The following NRXN3 variants were observed in gnomAD, a reference collection of about 807,000 sequenced individuals.
The protein encoded by NRXN3 is neurexin III.
A neutral mutation model predicts 137.6 loss-of-function variants in NRXN3; 32 were observed. The observed-to-expected ratio is 0.23, with a 90% CI of 0.18 to 0.31. The LOEUF (loss-of-function observed/expected upper bound fraction) is 0.31. Among genes scored for constraint, NRXN3 ranks in the 10% least tolerant of loss-of-function variants. The probability of loss-of-function intolerance (pLI) is 1.00; values close to 1 mark genes in which losing one functional copy is unlikely to be tolerated. For synonymous variants in NRXN3, 798 were observed against 784.5 expected (o/e 1.02, Z -0.29); for missense variants, 1,574 against 2,062.5 (o/e 0.76, Z 4.59).
At chr14:79,526,767 G>A (rs1373827614) in intron 16 of NRXN3, among the ~76,000 whole-genome samples, 1 of 152,140 alleles carries the variant, frequency 6.6e-6, no homozygotes, top group Non-Finnish European at 1.5e-5. Context: ...TAGAAACGCT[G>A]GGAAAGAAAC....
intron 1 of NRXN3, among the ~76,000 whole-genome samples, chr14:78,233,216 C>T (rs2065694630): frequency 1.3e-5 from 2 of 152,078 alleles, no homozygotes; most frequent in Non-Finnish European, 2.9e-5. Flanking sequence ...ATTGTTCTTC[C>T]CAATTTATAG....
chr14:78,484,019 CACACACACAGAGAGAG>C (rs1314681933), intron 4 of NRXN3, among the ~76,000 whole-genome samples: 2 of 93,136 alleles, frequency 2.1e-5, no homozygotes, highest in East Asian at 6.1e-4. Flanking sequence ...CACACACACA[CACACACACAGAGAGAG>C]AGAGAGAGAG....
At chr14:78,263,060 A>G (rs1487506568) in intron 2 of NRXN3, among the ~76,000 whole-genome samples, 2 of 123,756 alleles carry the variant, frequency 1.6e-5, no homozygotes, top group African/African-American at 3.1e-5. Context: ...CTTTTTTTTT[A>G]GTTTATGGGA....
intron 4 of NRXN3, among the ~76,000 whole-genome samples, chr14:78,470,665 T>A (rs138250365): frequency 2.6e-5 from 4 of 152,160 alleles, no homozygotes; most frequent in Non-Finnish European, 5.9e-5. Context: ...ATACAATAGA[T>A]AAATAGTAAG....
At chr14:78,841,764 A>G (rs757381413) in intron 10 of NRXN3, among the ~76,000 whole-genome samples, 5 of 152,118 alleles carry the variant, frequency 3.3e-5, no homozygotes, top group Non-Finnish European at 5.9e-5. Flanking sequence ...TGGTGGATTC[A>G]GAATTCTAGT....
intron 20 of NRXN3, among the ~76,000 whole-genome samples, chr14:79,808,713 C>A (rs535486449): frequency 1.1e-4 from 17 of 152,250 alleles, no homozygotes; most frequent in Non-Finnish European, 2.1e-4. Context: ...ATTTGAAGCT[C>A]TCACTTTTCA....
intron 4 of NRXN3, among the ~76,000 whole-genome samples, chr14:78,571,065 G>C (rs1334165384): frequency 1.2e-4 from 18 of 152,230 alleles, no homozygotes; most frequent in Admixed American, 1.2e-3. Context: ...TGGCCTCACT[G>C]TCTTGGCAGC....
At chr14:79,574,547 G>A (rs1006419293) in intron 16 of NRXN3, among the ~76,000 whole-genome samples, 1 of 151,902 alleles carries the variant, frequency 6.6e-6, no homozygotes, top group Non-Finnish European at 1.5e-5. Context: ...ATTATTACTG[G>A]AGTTTTAACT....
At chr14:79,622,569 G>A (rs1262553170) in intron 16 of NRXN3, among the ~76,000 whole-genome samples, 1 of 152,014 alleles carries the variant, frequency 6.6e-6, no homozygotes. Context: ...CTACTTGTCT[G>A]TTATTATTTA....
At chr14:78,400,941 A>G (rs567001851) in intron 4 of NRXN3, among the ~76,000 whole-genome samples, 1 of 152,302 alleles carries the variant, frequency 6.6e-6, no homozygotes, top group South Asian at 2.1e-4. Context: ...AACAAGGGAA[A>G]TTTATTTCTC....
intron 1 of NRXN3, among the ~76,000 whole-genome samples, chr14:78,222,575 T>C (rs1002823330): frequency 6.6e-6 from 1 of 152,134 alleles, no homozygotes; most frequent in African/African-American, 2.4e-5. Flanking sequence ...TCACAATTGC[T>C]TTTACTCTGG....
chr14:79,005,928 A>G (rs867681242), intron 15 of NRXN3, among the ~76,000 whole-genome samples: 30 of 152,234 alleles, frequency 2.0e-4, no homozygotes, highest in Middle Eastern at 3.4e-3. Context: ...CTGATCTTAC[A>G]CATATTTGTT....
chr14:78,627,104 TTCTCTCTCTCTCTCTC>T (rs68104206), intron 4 of NRXN3, among the ~76,000 whole-genome samples: 49 of 121,096 alleles, frequency 4.0e-4, no homozygotes, highest in East Asian at 7.2e-4. Flanking sequence ...CCTCCCTCCC[TTCTCTCTCTCTCTCTC>T]TCTCTCTCTC....
At chr14:78,755,164 C>T (rs556003609) in intron 8 of NRXN3, among the ~76,000 whole-genome samples, 1 of 151,542 alleles carries the variant, frequency 6.6e-6, no homozygotes, top group Non-Finnish European at 1.5e-5. Context: ...TATGGGTGTG[C>T]ACCACCATGC....
chr14:79,475,322 A>G (rs1456703168), intron 16 of NRXN3, among the ~76,000 whole-genome samples: 6 of 152,158 alleles, frequency 3.9e-5, no homozygotes. Context: ...CCAAATGGCT[A>G]TATCTTTCTC....
At chr14:78,299,825 A>G (rs1197620724) in intron 4 of NRXN3, among the ~76,000 whole-genome samples, 1 of 152,236 alleles carries the variant, frequency 6.6e-6, no homozygotes, top group Non-Finnish European at 1.5e-5. Flanking sequence ...AGAGAAAGAC[A>G]TAATGACAGA....
intron 17 of NRXN3, among the ~76,000 whole-genome samples, chr14:79,667,173 T>C (rs2098564281): frequency 6.6e-6 from 1 of 152,096 alleles, no homozygotes; most frequent in Non-Finnish European, 1.5e-5. Context: ...GCCATCAACC[T>C]GGCAAGGCAG....
chr14:79,615,729 A>C (rs536040452), intron 16 of NRXN3, among the ~76,000 whole-genome samples: 2 of 152,246 alleles, frequency 1.3e-5, no homozygotes, highest in South Asian at 4.1e-4. Flanking sequence ...ATGAGAACTC[A>C]TTCACTATCA....
At chr14:79,517,987 C>T (rs1405723560) in intron 16 of NRXN3, among the ~76,000 whole-genome samples, 1 of 143,802 alleles carries the variant, frequency 7.0e-6, no homozygotes, top group Non-Finnish European at 1.5e-5. Context: ...TTCACTGCAA[C>T]CTCCACCTCC....
Sources: allele counts gnomAD v4.1 joint callset (sites outside exome capture counted in the v4.1 genomes callset), GRCh38; gene constraint gnomAD v4.1.1; transcripts MANE v1.5; gene names NCBI Gene and HGNC (gene_info 2026-07-23, HGNC 2026-07-21).